Variants in SOX6 observed in about 807,000 individuals in gnomAD.
SOX6 encodes SRY-box transcription factor 6, also known as transcription factor SOX-6.
SOX6 carries 11 observed loss-of-function variants against 97.8 expected under a neutral mutation model. That is an observed-to-expected ratio of 0.11 (90% CI 0.07 to 0.19). SOX6 has a LOEUF of 0.19. Ranked by LOEUF, SOX6 falls within the 10% of genes least tolerant of loss-of-function variation. The pLI is 1.00. For synonymous variants in SOX6, 360 were observed against 371.4 expected, an observed-to-expected ratio of 0.97 and a Z score of 0.35; for missense variants, 810 against 1,039.5, an observed-to-expected ratio of 0.78 and a Z score of 3.04.
At chr11:16,114,889 A>AC (rs11393415) in intron 6 of SOX6, among the ~76,000 whole-genome samples, 16,156 of 152,176 alleles carry the variant, frequency 0.11, 1,765 homozygotes, top group East Asian at 0.37. Flanking sequence ...AGAAACCAGA[A>AC]TTAATTCTTG....
intron 3 of SOX6, among the ~76,000 whole-genome samples, chr11:16,708,973 C>T (rs1235435013): frequency 2.0e-5 from 3 of 152,172 alleles, no homozygotes; most frequent in Non-Finnish European, 4.4e-5. Context: ...GAAAAATATG[C>T]ATTGTGTACC....
chr11:16,013,674 T>C (rs576178436), intron 13 of SOX6, among the ~76,000 whole-genome samples: 8 of 140,892 alleles, frequency 5.7e-5, no homozygotes, highest in African/African-American at 2.0e-4. Context: ...CACATATACA[T>C]CCTAATCAGA....
At chr11:16,362,652 T>C (rs776115969) in intron 1 of SOX6, among the ~76,000 whole-genome samples, 3 of 152,014 alleles carry the variant, frequency 2.0e-5, no homozygotes, top group Non-Finnish European at 2.9e-5. Context: ...AGCTAGAGTC[T>C]GGAAAATGGA....
chr11:16,350,313 C>T (rs567608741), intron 1 of SOX6, among the ~76,000 whole-genome samples: 21 of 152,190 alleles, frequency 1.4e-4, no homozygotes, highest in South Asian at 2.1e-4. Context: ...GGATAGCAAG[C>T]GACAGGAGAA....
intron 7 of SOX6, among the ~76,000 whole-genome samples, chr11:16,105,907 G>T (rs886287302): frequency 2.6e-5 from 4 of 152,024 alleles, no homozygotes; most frequent in African/African-American, 9.7e-5. Context: ...CTAAACATCA[G>T]CAACGAACAA....
At chr11:16,705,830 C>T (rs973347611) in intron 3 of SOX6, among the ~76,000 whole-genome samples, 1 of 151,454 alleles carries the variant, frequency 6.6e-6, no homozygotes, top group Admixed American at 6.6e-5. Flanking sequence ...AAAAAAATAA[C>T]CAAAATATAT....
intron 6 of SOX6, among the ~76,000 whole-genome samples, chr11:16,177,326 A>C (rs1851219339): frequency 6.6e-6 from 1 of 151,928 alleles, no homozygotes; most frequent in African/African-American, 2.4e-5. Context: ...AATGTTTAAT[A>C]CAACTCTTAC....
chr11:16,585,312 A>G (rs1319142249), intron 4 of SOX6, among the ~76,000 whole-genome samples: 1 of 152,204 alleles, frequency 6.6e-6, no homozygotes. Context: ...GCTAATGCTT[A>G]TATGACACCT....
At chr11:16,287,809 T>C (rs1854797013) in intron 3 of SOX6, among the ~76,000 whole-genome samples, 1 of 152,140 alleles carries the variant, frequency 6.6e-6, no homozygotes, top group Non-Finnish European at 1.5e-5. Context: ...CATTACACAT[T>C]TGACCCCACA....
intron 4 of SOX6, among the ~76,000 whole-genome samples, chr11:16,497,131 C>T (rs948384878): frequency 2.0e-5 from 3 of 152,150 alleles, no homozygotes; most frequent in East Asian, 1.9e-4. Context: ...TCCAGAGGAA[C>T]GATCAGGCAG....
chr11:16,675,781 T>G (rs1847879956), intron 3 of SOX6, among the ~76,000 whole-genome samples: 3 of 152,224 alleles, frequency 2.0e-5, no homozygotes, highest in Non-Finnish European at 4.4e-5. Context: ...CTCTCTGGCT[T>G]CCATGATTTC....
intron 2 of SOX6, among the ~76,000 whole-genome samples, chr11:16,723,589 C>T (rs1176373312): frequency 6.6e-6 from 1 of 152,046 alleles, no homozygotes; most frequent in African/African-American, 2.4e-5. Context: ...GAGGGCAGAT[C>T]ACTTGAGGCC....
At chr11:16,310,484 T>C (rs1275688934) in intron 3 of SOX6, among the ~76,000 whole-genome samples, 2 of 152,114 alleles carry the variant, frequency 1.3e-5, no homozygotes, top group Non-Finnish European at 2.9e-5. Flanking sequence ...GGTAAGTATT[T>C]ACTATGAATA....
intron 1 of SOX6, among the ~76,000 whole-genome samples, chr11:16,464,167 A>G (rs904544413): frequency 2.0e-5 from 3 of 152,206 alleles, no homozygotes; most frequent in Non-Finnish European, 4.4e-5. Context: ...ACAAATCCCA[A>G]TTCAAGTTTA....
chr11:16,362,422 C>T (rs1857232828), intron 1 of SOX6, among the ~76,000 whole-genome samples: 1 of 152,154 alleles, frequency 6.6e-6, no homozygotes, highest in African/African-American at 2.4e-5. Flanking sequence ...ATCATAGCAA[C>T]ATGGTACCAC....
At chr11:16,212,287 T>G (rs1852253233) in intron 4 of SOX6, among the ~76,000 whole-genome samples, 1 of 152,150 alleles carries the variant, frequency 6.6e-6, no homozygotes, top group Admixed American at 6.6e-5. Flanking sequence ...CTTGCTTTTA[T>G]TTTTTTAACA....
intron 2 of SOX6, among the ~76,000 whole-genome samples, chr11:16,323,256 A>G (rs1325403634): frequency 6.6e-6 from 1 of 152,244 alleles, no homozygotes; most frequent in Non-Finnish European, 1.5e-5. Context: ...AGTATCAAAA[A>G]TAGTTATTAG....
At position 16,549,324 on chromosome 11, in the gene SOX6, C is replaced by T. The variant is rs143005892; in HGVS notation, n.609+62757G>A. 1.8e-3 allele frequency among the ~76,000 whole-genome samples: 268 copies of T among 152,228 alleles called. 1 individual carries two copies. Among genetic ancestry groups the T allele is most frequent in the African/African-American group, 6.3e-3 (260 of 41,526 alleles). ...AGCTGGTATTACAGGCATGCGCCAC[C>T]ACGCCTGGCTAATTTTGTATTTTTA... On this transcript the variant is annotated intron_variant and non_coding_transcript_variant, in intron 4 of 5. Coordinates refer to the SOX6 transcript ENST00000524520.
chr11:16,708,564 T>C (rs1429247132), intron 3 of SOX6, among the ~76,000 whole-genome samples: 2 of 152,222 alleles, frequency 1.3e-5, no homozygotes, highest in Non-Finnish European at 2.9e-5. Context: ...GAGGAAGTAT[T>C]TTGCATTATT....
Sources: allele counts gnomAD v4.1 joint callset (sites outside exome capture counted in the v4.1 genomes callset), GRCh38; gene constraint gnomAD v4.1.1; transcripts MANE v1.5; gene names NCBI Gene and HGNC (gene_info 2026-07-23, HGNC 2026-07-21).